Variants in INO80 observed in about 807,000 individuals in gnomAD.
INO80 encodes chromatin-remodeling ATPase INO80.
A neutral mutation model predicts 203.4 loss-of-function variants in INO80; 20 were observed. The ratio of observed to expected loss-of-function variants is 0.10; its 90% CI spans 0.07 to 0.14. The LOEUF is 0.14. INO80 is among the 10% of genes least tolerant of loss of function. The pLI is 1.00. For missense variants in INO80, 1,419 were observed against 1,914.4 expected (o/e 0.74, Z 4.83); for synonymous variants, 726 against 685.2 (o/e 1.06, Z -0.93).
Position 40,992,748 on chromosome 15 carries a change from TA to T in INO80, c.3571-4775del, listed in dbSNP as rs541070217. 1.0e-3 allele frequency among the ~76,000 whole-genome samples: 156 copies of T among 152,286 alleles called. 1 individual carries two copies. Among genetic ancestry groups the T allele is most frequent in the Non-Finnish European group, 3.5e-4 (24 of 68,030 alleles). Reference sequence around the variant, plus strand: ...AATCCCCAAGCCCTTCCCCCAAAATTAAAATGTAAATTACTTCAGAATTCAG... The same window carrying T: ...AATCCCCAAGCCCTTCCCCCAAAATTAAATGTAAATTACTTCAGAATTCAG... On this transcript the variant is annotated intron_variant, in intron 29 of 35. Transcript: ENST00000648947.
chr15:40,997,801 C>T (rs910798034), intron 28 of INO80, 200 bp from the exon 29 acceptor site: 1 of 445,376 alleles, frequency 2.2e-6, no homozygotes, highest in African/African-American at 2.0e-5. Context: ...GGTCATCTTC[C>T]AATTTGCAGA....
In INO80 at chr15:41,012,598, A is replaced by T. The variant is rs73399670; in HGVS notation, c.3402+3490T>A. Among the ~76,000 whole-genome samples, 560 of 142,606 alleles carry T rather than the reference A, an allele frequency of 3.9e-3. 9 individuals are homozygous for T. The highest frequency in any genetic ancestry group is 0.013 in the African/African-American group (532 of 39,634). 93.6% of individuals were successfully genotyped at this position (142,606 alleles called of 152,430 possible). On this transcript the variant is annotated intron_variant, in intron 27 of 35. Coordinates refer to ENST00000648947, the MANE Select transcript of INO80 (RefSeq NM_017553.3). The stretch of plus-strand genomic sequence containing the variant: ...AAAAAGATCCTATAGGCGATTCAGT[A>T]AATATAAAATAAACTCATAATGACA...
intron 14 of INO80, 58 bp downstream of exon 14, chr15:41,069,509 AAGG>A (rs2045278065): frequency 2.3e-5 from 23 of 1,006,202 alleles, no homozygotes; most frequent in Non-Finnish European, 3.3e-5. Context: ...AGGGCAAGAA[AAGG>A]AGAGTCAAAA....
At chr15:41,035,873 A>C (rs1439847534) in intron 24 of INO80, among the ~76,000 whole-genome samples, 1 of 145,402 alleles carries the variant, frequency 6.9e-6, no homozygotes, top group Non-Finnish European at 1.5e-5. Flanking sequence ...TTACACCTGT[A>C]ATCGGAGCAC....
intron 18 of INO80, 89 bp downstream of exon 18, chr15:41,055,158 G>T: frequency 1.4e-6 from 1 of 706,720 alleles, no homozygotes. Flanking sequence ...TATACTGGAA[G>T]AAAAATTATT....
intron 13 of INO80, 141 bp from the exon 14 acceptor site, chr15:41,069,806 C>T: frequency 1.7e-6 from 1 of 596,264 alleles, no homozygotes; most frequent in Non-Finnish European, 2.9e-6. Flanking sequence ...TCTGCACATT[C>T]AATAGTAATA....
intron 9 of INO80, among the ~76,000 whole-genome samples, chr15:41,078,803 A>G (rs528675199): frequency 6.6e-6 from 1 of 152,140 alleles, no homozygotes; most frequent in African/African-American, 2.4e-5. Context: ...CACAGCCTAC[A>G]TCAGCTGGCA....
chr15:41,057,396 G>C (rs1287645111), intron 16 of INO80, among the ~76,000 whole-genome samples: 1 of 151,034 alleles, frequency 6.6e-6, no homozygotes, highest in African/African-American at 2.4e-5. Flanking sequence ...AGGCTGCAGT[G>C]AGCCCCAACT....
intron 1 of INO80, chr15:41,109,187 C>A (rs2045924239): frequency 6.6e-6 from 1 of 152,456 alleles, no homozygotes. Context: ...GGCACAGTGG[C>A]TCATGCCTGT....
At chr15:41,045,410 A>G (rs537582867) in intron 23 of INO80, among the ~76,000 whole-genome samples, 1 of 152,018 alleles carries the variant, frequency 6.6e-6, no homozygotes, top group East Asian at 1.9e-4. Context: ...CCTAGATGGC[A>G]AAATACAGTC....
intron 1 of INO80, among the ~76,000 whole-genome samples, chr15:41,104,327 T>C (rs138915238): frequency 2.6e-4 from 40 of 152,224 alleles, no homozygotes; most frequent in African/African-American, 9.6e-4. Context: ...CAATTCTTCA[T>C]TGAATAGCCT....
rs534496638 is a variant in INO80, at chr15:41,082,652, C to T, written c.874-1579G>A. 1.1e-4 allele frequency among the ~76,000 whole-genome samples: 16 copies of T among 151,974 alleles called. 1 individual carries two copies. The highest frequency in any genetic ancestry group is 3.6e-4 in the African/African-American group (15 of 41,448). On this transcript the variant is annotated intron_variant, in intron 7 of 35. Transcript: ENST00000648947. ...CCGGGAGGTGGAGGTTGCAGTGAGT[C>T]GAGATCATGCCATTGTACTCCAACC... is the stretch of plus-strand genomic sequence containing the variant.
At chr15:40,997,498 ATATCTAGT>A in intron 29 of INO80, 23 bp downstream of exon 29, 1 of 1,419,086 alleles carries the variant, frequency 7.0e-7, no homozygotes, top group Non-Finnish European at 1.0e-6. Flanking sequence ...GAAAACCTGC[ATATCTAGT>A]TGATTGTGCT....
intron 5 of INO80, among the ~76,000 whole-genome samples, chr15:41,089,477 C>T (rs1308441883): frequency 1.3e-5 from 2 of 152,166 alleles, no homozygotes; most frequent in East Asian, 1.9e-4. Flanking sequence ...GGCGGCTGGG[C>T]GGGGTGGCTC....
chr15:41,028,774 T>G (rs2044414614), intron 24 of INO80, among the ~76,000 whole-genome samples: 1 of 152,126 alleles, frequency 6.6e-6, no homozygotes, highest in South Asian at 2.1e-4. Flanking sequence ...GGGAATCGTT[T>G]GAACCCAGGA....
intron 1 of INO80, among the ~76,000 whole-genome samples, chr15:41,107,320 G>GT (rs1209298914): frequency 1.3e-5 from 2 of 152,148 alleles, no homozygotes; most frequent in Non-Finnish European, 2.9e-5. Flanking sequence ...GGTCAACAAG[G>GT]TGAAACCCCA....
chr15:41,065,159 C>T (rs2045187372), intron 14 of INO80, among the ~76,000 whole-genome samples: 2 of 152,036 alleles, frequency 1.3e-5, no homozygotes, highest in Admixed American at 1.3e-4. Context: ...GGTAGCAGGC[C>T]AGGCTCGGTG....
At chr15:41,084,386 C>T (rs767059670) in intron 7 of INO80, among the ~76,000 whole-genome samples, 5 of 151,970 alleles carry the variant, frequency 3.3e-5, no homozygotes, top group Non-Finnish European at 7.4e-5. Flanking sequence ...ATGGTGAAAC[C>T]CCATCTCTAC....
At chr15:41,003,365 C>G (rs1290158041) in intron 28 of INO80, among the ~76,000 whole-genome samples, 1 of 124,686 alleles carries the variant, frequency 8.0e-6, no homozygotes, top group East Asian at 2.7e-4. Flanking sequence ...GAGTCTCGCT[C>G]TGTCACCCAG....
Sources: allele counts gnomAD v4.1 joint callset (sites outside exome capture counted in the v4.1 genomes callset), GRCh38; gene constraint gnomAD v4.1.1; transcripts MANE v1.5; gene names NCBI Gene and HGNC (gene_info 2026-07-23, HGNC 2026-07-21).